The following DCHS1 variants were observed in gnomAD, a reference collection of about 807,000 sequenced individuals.
DCHS1 encodes the protein protocadherin-16.
A neutral mutation model predicts 213.9 loss-of-function variants in DCHS1; 78 were observed. The observed-to-expected ratio is 0.36, with a 90% CI of 0.30 to 0.44. DCHS1 has a LOEUF of 0.44. Among genes scored for constraint, DCHS1 ranks in the 20% least tolerant of loss-of-function variants. DCHS1 has a pLI of 1.00. For synonymous variants in DCHS1, 1,828 were observed against 1,873.7 expected, an observed-to-expected ratio of 0.98 and a Z score of 0.63; for missense variants, 3,946 against 4,395.9, an observed-to-expected ratio of 0.90 and a Z score of 2.89.
chr11:6,645,080 T>G (rs1380842529), intron 1 of DCHS1, among the ~76,000 whole-genome samples: 1 of 152,216 alleles, frequency 6.6e-6, no homozygotes, highest in Non-Finnish European at 1.5e-5. Flanking sequence ...CTGTGGGGTT[T>G]TGTGAAAATT....
In DCHS1 at chr11:6,632,548, T is replaced by TACC. The variant is rs776215419; in HGVS notation, c.2961_2963dup (p.Val988dup). 25 of 1,527,448 alleles carry TACC rather than the reference T, an allele frequency of 1.6e-5. No individual in the cohort carries two copies. Among genetic ancestry groups the TACC allele is most frequent in the Non-Finnish European group, 2.1e-5 (24 of 1,134,728 alleles). The allele number at this position is 1,527,448 out of a possible 1,614,324, so 94.6% of individuals were successfully genotyped here. On this transcript the variant is annotated inframe_insertion, in exon 6 of 21. Transcript: ENST00000299441. This position sits in a 1 kb window ranked among gnomAD's most constrained non-coding sequence, Gnocchi z 5.9. The stretch of plus-strand genomic sequence containing the variant: ...CCAGCCCACGGGTTCCCACATCCTG[T>TACC]ACCACCACCCGTAGTCGAAAGTGGC...
chr11:6,647,087 G>T (rs374485323), intron 1 of DCHS1, among the ~76,000 whole-genome samples: 3 of 152,356 alleles, frequency 2.0e-5, no homozygotes, highest in African/African-American at 7.2e-5. Flanking sequence ...GGGGTGAGGA[G>T]GGGCGCCACA....
chr11:6,640,479 C>T lies in DCHS1; in HGVS notation c.1135G>A (p.Ala379Thr), dbSNP rs764551786. The change falls in exon 2 of 21, where the codon GCC becomes ACC. Residue 379 changes from alanine (A) to threonine (T), a missense_variant. Coordinates refer to ENST00000299441, the MANE Select transcript of DCHS1 (RefSeq NM_003737.4). The surrounding 1 kb of genome is among the most constrained non-coding windows in gnomAD (Gnocchi z 6.5). ...CGAGCAACGAGCTGTCCAGGTGGGGCGGCCTCAGACACTTGGGGGGAGCCA... is the reference window on the plus strand; with the variant it reads ...CGAGCAACGAGCTGTCCAGGTGGGGTGGCCTCAGACACTTGGGGGGAGCCA... ...ADGSPQVSEAAPPGQLVARIS... is the reference protein window; with the variant it reads ...ADGSPQVSEATPPGQLVARIS... The T allele has an allele frequency of 1.2e-5, 19 of 1,613,416 alleles. No individual in the cohort carries two copies. The highest frequency in any genetic ancestry group is 1.6e-4 in the Middle Eastern group (1 of 6,084).
At chr11:6,629,632 C>G (rs778652625) in intron 11 of DCHS1, 40 bp downstream of exon 11, 4 of 1,612,580 alleles carry the variant, frequency 2.5e-6, no homozygotes, top group South Asian at 1.1e-5. Context: ...GTTTCTTGCC[C>G]CAGTCCATCC....
chr11:6,625,235 T>C lies in DCHS1; in HGVS notation c.7109A>G (p.Asn2370Ser), dbSNP rs483352919. 1.5e-5 allele frequency: 24 copies of C among 1,608,820 alleles called. No homozygotes were observed. Among genetic ancestry groups the C allele is most frequent in the East Asian group, 4.5e-5 (2 of 44,828 alleles). ...ANLTVLVEDVNDNAPAFSQSL... is the reference protein window; with the variant it reads ...ANLTVLVEDVSDNAPAFSQSL... ...CTGTGAGAAGGCAGGTGCATTGTCA[T>C]TGACATCCTCCACAAGCACTGTGAG... is the stretch of plus-strand genomic sequence containing the variant. Residue 2370 changes from asparagine to serine, a missense_variant, in exon 19 of 21, where the codon AAT (asparagine) becomes AGT (serine). Coordinates refer to ENST00000299441, the MANE Select transcript of DCHS1 (RefSeq NM_003737.4). The surrounding 1 kb of genome is among the most constrained non-coding windows in gnomAD (Gnocchi z 5.3).
rs1855701765 is a variant in DCHS1 at position 6,622,043 on chromosome 11, T to C, written c.9633A>G (p.Pro3211=). ...PPPLITAVAH[P]GAKSVPPKPA... ...GCTTGGGGGGCACAGACTTGGCTCC[T>C]GGGTGGGCCACGGCAGTGATGAGGG... The change falls in exon 21 of 21, where the codon CCA becomes CCG. Residue 3211 remains proline, a synonymous_variant. Coordinates refer to ENST00000299441, the MANE Select transcript of DCHS1 (RefSeq NM_003737.4). This position sits in a 1 kb window ranked among gnomAD's most constrained non-coding sequence, Gnocchi z 5.4. 6.2e-7 allele frequency: 1 copy of C among 1,608,838 alleles called. No individual in the cohort carries two copies. The highest frequency in any genetic ancestry group is 1.1e-5 in the South Asian group (1 of 90,966).
At position 6,622,161 on chromosome 11, in the gene DCHS1, T is replaced by A; in HGVS notation, c.9515A>T (p.Gln3172Leu). 6 of 1,611,548 alleles carry A rather than the reference T, an allele frequency of 3.7e-6. No homozygotes were observed. The highest frequency in any genetic ancestry group is 4.2e-6 in the Non-Finnish European group (5 of 1,179,464). Reference sequence around the variant, plus strand: ...GAAGACACTGGCCAGTGGTTGGAACTGAGGGCACCAGCTCAGCAGGTAGTC... The same window carrying A: ...GAAGACACTGGCCAGTGGTTGGAACAGAGGGCACCAGCTCAGCAGGTAGTC... Reference protein sequence around the residue: ...NWDYLLSWCPQFQPLASVFTE... With the variant: ...NWDYLLSWCPLFQPLASVFTE... Residue 3172 changes from glutamine to leucine, a missense_variant, in exon 21 of 21, where the codon CAG (glutamine) becomes CTG (leucine). Around this residue, in one of 3 missense-constraint regions of DCHS1, gnomAD observed 554 missense variants for 590.2 expected, o/e 0.94. Coordinates refer to ENST00000299441, the MANE Select transcript of DCHS1 (RefSeq NM_003737.4). The surrounding 1 kb of genome is among the most constrained non-coding windows in gnomAD (Gnocchi z 5.4).
rs1433456509 is a variant in DCHS1, at chr11:6,630,693, G to A, written c.4101C>T (p.Tyr1367=). The part of the protein sequence containing the change: ...PEPAGVGALT[Y]TLVGGADPEG... ...CGGGATCGGCACCGCCCACCAGTGT[G>A]TAGGTGAGTGCACCCACACCCGCGG... Residue 1367 remains tyrosine, a synonymous_variant, in exon 10 of 21, where the codon TAC becomes TAT. Transcript: ENST00000299441. The A allele has an allele frequency of 6.5e-7, 1 of 1,544,962 alleles. No individual in the cohort carries two copies. Among genetic ancestry groups the A allele is most frequent in the East Asian group, 2.4e-5 (1 of 41,108 alleles).
At position 6,629,553 on chromosome 11, in the gene DCHS1, C is replaced by A. The variant is rs745752872; in HGVS notation, c.5060G>T (p.Gly1687Val). The A allele has an allele frequency of 3.1e-6, 5 of 1,613,700 alleles. No individual in the cohort carries two copies. Among genetic ancestry groups the A allele is most frequent in the Non-Finnish European group, 4.2e-6 (5 of 1,179,742 alleles). Residue 1687 changes from glycine (G) to valine (V), a missense_variant, in exon 12 of 21, where the codon GGA becomes GTA. By Grantham distance (109) the Gly-to-Val change is moderately radical. This residue lies in a region of DCHS1 where 3,384 missense variants were observed against 3,780.1 expected (regional missense o/e 0.90). Coordinates refer to ENST00000299441, the MANE Select transcript of DCHS1 (RefSeq NM_003737.4). ...DVGANGQVTY[G>V]GVSSESFSLD... ...AGAAAAGCTTTCGCTAGAGACGCCT[C>A]CATAAGTCACTTGCCCGTTGGCCCC... is the stretch of plus-strand genomic sequence containing the variant.
chr11:6,648,918 C>T (rs1856206178), intron 1 of DCHS1, among the ~76,000 whole-genome samples: 1 of 152,136 alleles, frequency 6.6e-6, no homozygotes, highest in African/African-American at 2.4e-5. Flanking sequence ...CAAATCCTGA[C>T]TCGGCCACTT....
chr11:6,643,047 T>C (rs1361612037), intron 1 of DCHS1, among the ~76,000 whole-genome samples: 1 of 152,060 alleles, frequency 6.6e-6, no homozygotes, highest in Non-Finnish European at 1.5e-5. Context: ...ATTTCTGACC[T>C]GAACTACCAG....
chr11:6,640,697 G>A lies in DCHS1; in HGVS notation c.917C>T (p.Ser306Phe). 6.2e-7 allele frequency: 1 copy of A among 1,613,638 alleles called. No individual in the cohort carries two copies. Among genetic ancestry groups the A allele is most frequent in the South Asian group, 1.1e-5 (1 of 91,082 alleles). The change falls in exon 2 of 21, where the codon TCC becomes TTC. Residue 306 changes from serine (S) to phenylalanine (F), a missense_variant. Ser to Phe is a radical substitution (Grantham distance 155, BLOSUM62 -2). Coordinates refer to ENST00000299441, the MANE Select transcript of DCHS1 (RefSeq NM_003737.4). This position sits in a 1 kb window ranked among gnomAD's most constrained non-coding sequence, Gnocchi z 6.5. ...RRQSEGDGPF[S>F]IDAHTGLLQL... ...CAGCAGCCCCGTGTGTGCGTCGATGGAGAAGGGTCCATCACCCTCGCTCTG... is the reference window on the plus strand; with the variant it reads ...CAGCAGCCCCGTGTGTGCGTCGATGAAGAAGGGTCCATCACCCTCGCTCTG...
Position 6,640,637 on chromosome 11 carries a change from C to T in DCHS1, c.977G>A (p.Arg326Gln), listed in dbSNP as rs1160586799. 11 of 1,611,548 alleles carry T rather than the reference C, an allele frequency of 6.8e-6. No homozygotes were observed. Among genetic ancestry groups the T allele is most frequent in the East Asian group, 2.2e-5 (1 of 44,892 alleles). The part of the protein sequence containing the change: ...LERPLDFEQR[R>Q]VHELVVQARD... ...TGCTTGCACCACCAGTTCATGGACC[C>T]GCCGCTGCTCAAAGTCCAGTGGCCG... The change falls in exon 2 of 21, where the codon CGG (arginine) becomes CAG (glutamine). Residue 326 changes from arginine (R) to glutamine (Q), a missense_variant. Coordinates refer to ENST00000299441, the MANE Select transcript of DCHS1 (RefSeq NM_003737.4). The surrounding 1 kb of genome is among the most constrained non-coding windows in gnomAD (Gnocchi z 6.5).
intron 1 of DCHS1, among the ~76,000 whole-genome samples, chr11:6,654,445 T>G (rs547185650): frequency 6.6e-6 from 1 of 152,222 alleles, no homozygotes; most frequent in South Asian, 2.1e-4. Flanking sequence ...CTGGTGACAG[T>G]GTTTCTGGAG....
At position 6,633,488 on chromosome 11, in the gene DCHS1, T is replaced by C. The variant is rs762304453; in HGVS notation, c.2379A>G (p.Leu793=). The part of the protein sequence containing the change: ...GTPTPPIFEQ[L]QYVFSVPEDV... Reference sequence around the variant, plus strand: ...CCTCTGGCACAGAAAAAACATACTGTAGTTGCTCAAATATGGGTGGTGTGG... The same window carrying C: ...CCTCTGGCACAGAAAAAACATACTGCAGTTGCTCAAATATGGGTGGTGTGG... Residue 793 remains leucine, a synonymous_variant, in exon 5 of 21, where the codon CTA becomes CTG. Coordinates refer to ENST00000299441, the MANE Select transcript of DCHS1 (RefSeq NM_003737.4). 7 of 1,579,866 alleles carry C rather than the reference T, an allele frequency of 4.4e-6. No individual in the cohort carries two copies. In the East Asian group the frequency reaches 1.4e-4, roughly 31 times the overall value.
intron 12 of DCHS1, 141 bp downstream of exon 12, chr11:6,629,311 C>G (rs1047305162): frequency 8.1e-7 from 1 of 1,240,046 alleles, no homozygotes; most frequent in Non-Finnish European, 1.1e-6. Context: ...TCTCGACTCC[C>G]CAAAAGGGTC....
At chr11:6,655,047 TC>T (rs1294552895) in intron 1 of DCHS1, among the ~76,000 whole-genome samples, 1 of 151,820 alleles carries the variant, frequency 6.6e-6, no homozygotes, top group African/African-American at 2.4e-5. Flanking sequence ...TCTCTGTACT[TC>T]TCCCCACTCA....
chr11:6,629,173 CCT>C (rs1855860024), intron 12 of DCHS1, among the ~76,000 whole-genome samples: 1 of 152,216 alleles, frequency 6.6e-6, no homozygotes, highest in East Asian at 1.9e-4. Context: ...TCAAAATGCT[CCT>C]CTGTTAAATG....
In DCHS1 at chr11:6,627,191, C is replaced by T. The variant is rs1407939913; in HGVS notation, c.5848G>A (p.Val1950Met). 3.5e-5 allele frequency: 56 copies of T among 1,613,020 alleles called. No homozygotes were observed. Among genetic ancestry groups the T allele is most frequent in the Non-Finnish European group, 4.6e-5 (54 of 1,179,670 alleles). ...GGTGCATGGTCATTGACATCGCGCA[C>T]CGTGATGGTGACAGACACTGTGGTG... Reference protein sequence around the residue: ...LSTTVSVTITVRDVNDHAPTF... With the variant: ...LSTTVSVTITMRDVNDHAPTF... Residue 1950 changes from valine (V) to methionine (M), a missense_variant, in exon 14 of 21, where the codon GTG (valine) becomes ATG (methionine). By Grantham distance (21) the Val-to-Met change is conservative (BLOSUM62 1). Coordinates refer to ENST00000299441, the MANE Select transcript of DCHS1 (RefSeq NM_003737.4). This position sits in a 1 kb window ranked among gnomAD's most constrained non-coding sequence, Gnocchi z 5.4.
Sources: gnomAD v4.1 joint callset for allele counts (sites outside exome capture counted in the v4.1 genomes callset) on GRCh38, gnomAD v4.1.1 for gene constraint, gnomAD v4.1.1 regional missense constraint, Gnocchi (gnomAD v3.1) non-coding constraint, MANE v1.5 for transcripts, NCBI Gene and HGNC (gene_info 2026-07-23, HGNC 2026-07-21) for gene names.